Variants in TTN observed in about 807,000 individuals in gnomAD.
TTN encodes the protein titin.
Under a neutral mutation model 3,223.0 loss-of-function variants are expected in TTN, and 1,525 were observed. The observed-to-expected ratio is 0.47, with a 90% CI of 0.45 to 0.49. TTN has a LOEUF of 0.49. TTN is among the 20% of genes least tolerant of loss of function. The pLI is 0.00. For synonymous variants in TTN, 14,094 were observed against 15,161.0 expected (o/e 0.93, Z 5.17); for missense variants, 40,786 against 43,424.0 (o/e 0.94, Z 5.40).
intron 250 of TTN, 120 bp downstream of exon 250, chr2:178,619,499 CAT>C (rs2057946209): frequency 7.9e-7 from 1 of 1,263,816 alleles, no homozygotes; most frequent in Non-Finnish European, 1.1e-6. Context: ...GAGTTGTTAA[CAT>C]GTGGGTAGGG....
intron 13 of TTN, among the ~76,000 whole-genome samples, chr2:178,787,620 A>G (rs903798672): frequency 1.3e-5 from 2 of 152,156 alleles, no homozygotes; most frequent in African/African-American, 4.8e-5. Flanking sequence ...ATTTTATTTT[A>G]ACAATGATAA....
intron 69 of TTN, chr2:178,726,297 C>T: frequency 2.9e-6 from 1 of 340,928 alleles, no homozygotes; most frequent in Non-Finnish European, 5.3e-6. Flanking sequence ...TCTACTACAC[C>T]TTACTGATGT....
In TTN at chr2:178,625,402, TG is replaced by T. The variant is rs768236919; in HGVS notation, c.44425-7del. 5 of 1,546,714 alleles carry T rather than the reference TG, an allele frequency of 3.2e-6. No homozygotes were observed. The Admixed American group carries it at 1.1e-4, about 35-fold the overall frequency. On this transcript the variant is annotated splice_region_variant and splice_polypyrimidine_tract_variant and intron_variant, in intron 240 of 362. Transcript: ENST00000589042. ...CCTTCTGAACGTGGGACCACCTAGT[TG>T]TTTTTAAAAAAAGAATACATGAAAC... is the stretch of plus-strand genomic sequence containing the variant.
rs374160545 is a variant in TTN, at chr2:178,604,920, A to G, written c.54191-22T>C. On this transcript the variant is annotated intron_variant, in intron 280 of 362. Transcript: ENST00000589042. ...CGGTCTGGAAAGGAATCAACAGAGA[A>G]TATTGAGAAGGCAATTCTTAAACAG... The G allele has an allele frequency of 4.8e-5, 77 of 1,604,566 alleles. No homozygotes were observed. The African/African-American group carries it at 8.2e-4, about 17-fold the overall frequency.
rs2093698517 is a variant in TTN at position 178,795,152 on chromosome 2, G to C, written c.1015C>G (p.Pro339Ala). ...KTQASTVATGPEVPPPWKQEG... is the reference protein window; with the variant it reads ...KTQASTVATGAEVPPPWKQEG... ...TGCTTCCAAGGGGGAGGCACTTCAG[G>C]ACCTGTGGCCACGGTGGATGCCTGA... is the stretch of plus-strand genomic sequence containing the variant. The change falls in exon 7 of 363, where the codon CCT (proline) becomes GCT (alanine). Residue 339 changes from proline to alanine, a missense_variant. Coordinates refer to ENST00000589042, the MANE Select transcript of TTN (RefSeq NM_001267550.2). 2.5e-6 allele frequency: 4 copies of C among 1,614,136 alleles called. No individual in the cohort carries two copies. Among genetic ancestry groups the C allele is most frequent in the Non-Finnish European group, 3.4e-6 (4 of 1,180,014 alleles).
Position 178,577,890 on chromosome 2 carries a change from C to A in TTN, c.68536G>T (p.Gly22846Ter). Residue 22846 changes from glycine (G) to a stop codon, truncating the protein, a stop_gained, in exon 323 of 363, where the codon GGA (glycine) becomes TGA (stop). Transcript: ENST00000589042. LOFTEE classifies it high-confidence loss of function. ...VVALDPIDPP[G>*]KPEVINITRN... ...GTTATGTTAATAACCTCAGGTTTTC[C>A]AGGAGGATCTAAAACATAAAAGCAA... 6.3e-7 allele frequency: 1 copy of A among 1,581,928 alleles called. No individual in the cohort carries two copies. The highest frequency in any genetic ancestry group is 8.6e-7 in the Non-Finnish European group (1 of 1,165,238).
chr2:178,678,241 T>G (rs2068539254), intron 144 of TTN, 33 bp from the exon 145 acceptor site: 4 of 1,577,708 alleles, frequency 2.5e-6, no homozygotes, highest in South Asian at 2.4e-5. Context: ...TAGGAATATG[T>G]TCTTTTAAAA....
intron 117 of TTN, 66 bp from the exon 118 acceptor site, chr2:178,694,074 G>T: frequency 1.6e-6 from 2 of 1,242,184 alleles, no homozygotes; most frequent in Non-Finnish European, 1.1e-6. Context: ...TCAAACACAT[G>T]GATTTTATAC....
At position 178,703,883 on chromosome 2, in the gene TTN, C is replaced by T. The variant is rs146506543; in HGVS notation, c.30223+264G>A. ...AGATATGAGAATCATGAAATTTAGA[C>T]TTTAGACAGAAATAACTGTTAAAGA... is the stretch of plus-strand genomic sequence containing the variant. On this transcript the variant is annotated intron_variant, in intron 106 of 362. Transcript: ENST00000589042. Among the ~76,000 whole-genome samples, 1,020 of 152,250 alleles carry T rather than the reference C, an allele frequency of 6.7e-3. 14 individuals are homozygous for T. The highest frequency in any genetic ancestry group is 0.023 in the African/African-American group (949 of 41,532).
At chr2:178,763,264 TG>T (rs1300373794) in intron 43 of TTN, among the ~76,000 whole-genome samples, 1 of 152,222 alleles carries the variant, frequency 6.6e-6, no homozygotes, top group Non-Finnish European at 1.5e-5. Context: ...GGAAATTGGC[TG>T]GTGGTACTTG....
chr2:178,541,676 T>C (rs1402265882), intron 349 of TTN, 92 bp from the exon 350 acceptor site: 5 of 1,241,946 alleles, frequency 4.0e-6, no homozygotes, highest in Non-Finnish European at 5.4e-6. Context: ...TTTTGGTTGG[T>C]ATTTTAAAAG....
At position 178,713,190 on chromosome 2, in the gene TTN, C is replaced by T. The variant is rs1384345252; in HGVS notation, c.26944G>A (p.Ala8982Thr). Residue 8982 changes from alanine (A) to threonine (T), a missense_variant, in exon 93 of 363, where the codon GCT becomes ACT. Coordinates refer to ENST00000589042, the MANE Select transcript of TTN (RefSeq NM_001267550.2). Reference sequence around the variant, plus strand: ...TCTTCCAGCATGTTCACAGTTAAAGCACAAGTATTATCTGTCAGGGTGGTC... The same window carrying T: ...TCTTCCAGCATGTTCACAGTTAAAGTACAAGTATTATCTGTCAGGGTGGTC... ...YQTTLTDNTCALTVNMLEESD... is the reference protein window; with the variant it reads ...YQTTLTDNTCTLTVNMLEESD... 6.2e-6 allele frequency: 10 copies of T among 1,613,616 alleles called. No homozygotes were observed. Among genetic ancestry groups the T allele is most frequent in the Non-Finnish European group, 8.5e-6 (10 of 1,179,762 alleles).
In TTN at chr2:178,541,307, T is replaced by G; in HGVS notation, c.97770A>C (p.Lys32590Asn). ...CAATTGGATCCATGGCAACGATGGGTTTGGAAGGACGACTTGGTTTCCCAG... is the reference window on the plus strand; with the variant it reads ...CAATTGGATCCATGGCAACGATGGGGTTGGAAGGACGACTTGGTTTCCCAG... ...RGSGKPSRPSKPIVAMDPIAP... is the reference protein window; with the variant it reads ...RGSGKPSRPSNPIVAMDPIAP... The change falls in exon 350 of 363, where the codon AAA (lysine) becomes AAC (asparagine). Residue 32590 changes from lysine to asparagine, a missense_variant. Coordinates refer to ENST00000589042, the MANE Select transcript of TTN (RefSeq NM_001267550.2). The G allele has an allele frequency of 6.5e-7, 1 of 1,538,564 alleles. No homozygotes were observed. The highest frequency in any genetic ancestry group is 8.8e-7 in the Non-Finnish European group (1 of 1,136,592).
Position 178,704,768 on chromosome 2 carries a change from G to C in TTN, c.29704C>G (p.Leu9902Val). 1 of 1,609,438 alleles carries C rather than the reference G, an allele frequency of 6.2e-7. No individual in the cohort carries two copies. Among genetic ancestry groups the C allele is most frequent in the Non-Finnish European group, 8.5e-7 (1 of 1,178,844 alleles). Residue 9902 changes from leucine to valine, a missense_variant, in exon 105 of 363, where the codon CTG becomes GTG. Transcript: ENST00000589042. Reference protein sequence around the residue: ...QRLSQTEPVTLIKDIENQTVL... With the variant: ...QRLSQTEPVTVIKDIENQTVL... ...GTCTGATTTTCAATGTCCTTGATCA[G>C]AGTGACAGGCTAGGAGAATAAAGAA...
chr2:178,768,883 T>A lies in TTN; in HGVS notation c.8953A>T (p.Thr2985Ser), dbSNP rs727503684. The part of the protein sequence containing the change: ...LKDINAEEKD[T>S]ITFEVTVNYE... ...TTCACTGTCACCTCAAAAGTAATAGTGTCTTTTTCTTCAGCGTTGATGTCT... is the reference window on the plus strand; with the variant it reads ...TTCACTGTCACCTCAAAAGTAATAGAGTCTTTTTCTTCAGCGTTGATGTCT... The change falls in exon 38 of 363, where the codon ACT becomes TCT. Residue 2985 changes from threonine (T) to serine (S), a missense_variant. Physicochemically the swap from Thr to Ser is moderately conservative, Grantham distance 58. Coordinates refer to ENST00000589042, the MANE Select transcript of TTN (RefSeq NM_001267550.2). 5 of 1,614,078 alleles carry A rather than the reference T, an allele frequency of 3.1e-6. No homozygotes were observed. Among genetic ancestry groups the A allele is most frequent in the East Asian group, 2.2e-5 (1 of 44,824 alleles).
chr2:178,746,581 C>A, intron 47 of TTN: 1 of 1,613,168 alleles, frequency 6.2e-7, no homozygotes, highest in Non-Finnish European at 8.5e-7. Context: ...CTTCCTGGGG[C>A]ATTATGTCTA....
In TTN at chr2:178,634,868, A is replaced by G. The variant is rs372105151; in HGVS notation, c.42025-19T>C. 16 of 1,601,130 alleles carry G rather than the reference A, an allele frequency of 1.0e-5. No individual in the cohort carries two copies. Among genetic ancestry groups the G allele is most frequent in the Non-Finnish European group, 8.5e-7 (1 of 1,176,372 alleles). Reference sequence around the variant, plus strand: ...CACAAGTCTGAAAAACAATAGTTTTAGTAACCATTTGAAAGAGATAAATTC... The same window carrying G: ...CACAAGTCTGAAAAACAATAGTTTTGGTAACCATTTGAAAGAGATAAATTC... On this transcript the variant is annotated intron_variant, in intron 228 of 362. Transcript: ENST00000589042. The surrounding 1 kb of genome is among the most constrained non-coding windows in gnomAD (Gnocchi z 4.6).
Position 178,609,470 on chromosome 2 carries a change from T to G in TTN, c.51840A>C (p.Thr17280=). Residue 17280 remains threonine (T), a synonymous_variant, in exon 273 of 363, where the codon ACA becomes ACC. Coordinates refer to ENST00000589042, the MANE Select transcript of TTN (RefSeq NM_001267550.2). ...CAATAACATTTTCATCCTTTATCCA[T>G]GTAATAGTTGGGTAAGGTGATCCAG... is the stretch of plus-strand genomic sequence containing the variant. The part of the protein sequence containing the change: ...SISGSPYPTI[T]WIKDENVIVP... 6.2e-7 allele frequency: 1 copy of G among 1,612,484 alleles called. No individual in the cohort carries two copies. Among genetic ancestry groups the G allele is most frequent in the Non-Finnish European group, 8.5e-7 (1 of 1,179,128 alleles).
rs757111808 is a variant in TTN, at chr2:178,769,795, A to G, written c.8786T>C (p.Ile2929Thr). 6.2e-7 allele frequency: 1 copy of G among 1,613,960 alleles called. No homozygotes were observed. Among genetic ancestry groups the G allele is most frequent in the Non-Finnish European group, 8.5e-7 (1 of 1,179,982 alleles). Residue 2929 changes from isoleucine (I) to threonine (T), a missense_variant, in exon 37 of 363, where the codon ATA becomes ACA. Coordinates refer to ENST00000589042, the MANE Select transcript of TTN (RefSeq NM_001267550.2). The stretch of plus-strand genomic sequence containing the variant: ...CTGATGGAGTTTTCCCTGCACAACT[A>G]TCTTGAACTTTTCACTCATCTCAAT... ...VEIEMSEKFK[I>T]VVQGKLHQLI... is the part of the protein sequence containing the mutation.
Sources: gnomAD v4.1 joint callset for allele counts (sites outside exome capture counted in the v4.1 genomes callset) on GRCh38, gnomAD v4.1.1 for gene constraint, Gnocchi (gnomAD v3.1) non-coding constraint, MANE v1.5 for transcripts, NCBI Gene and HGNC (gene_info 2026-07-23, HGNC 2026-07-21) for gene names.